The following ZCCHC2 variants were observed in gnomAD, a reference collection of about 807,000 sequenced individuals.
The protein encoded by ZCCHC2 is zinc finger CCHC-type containing 2, also known as zinc finger CCHC domain-containing protein 2.
ZCCHC2 carries 39 observed loss-of-function variants against 103.6 expected under a neutral mutation model. The ratio of observed to expected loss-of-function variants is 0.38; its 90% CI spans 0.29 to 0.49. The LOEUF is 0.49. ZCCHC2 is among the 20% of genes least tolerant of loss of function. The pLI, the probability that ZCCHC2 is intolerant of heterozygous loss-of-function variation, is 0.96. For synonymous variants in ZCCHC2, 687 were observed against 608.9 expected, an observed-to-expected ratio of 1.13 and a Z score of -1.89; for missense variants, 1,483 against 1,491.0, an observed-to-expected ratio of 0.99 and a Z score of 0.09.
chr18:62,550,779 A>C lies in ZCCHC2; in HGVS notation c.1313+319A>C, dbSNP rs1317485299. The stretch of plus-strand genomic sequence containing the variant: ...TGTCCAAGAGCTCTACTTTGGAGAG[A>C]TGTTTTATTTGTTTAAAGTTGTCAA... On this transcript the variant is annotated intron_variant, in intron 5 of 13. Coordinates refer to ENST00000269499, the MANE Select transcript of ZCCHC2 (RefSeq NM_017742.6). Among the ~76,000 whole-genome samples the C allele has an allele frequency of 2.0e-5, 3 of 152,120 alleles. No individual in the cohort carries two copies. The East Asian group carries it at 5.8e-4, about 29-fold the overall frequency.
chr18:62,550,837 C>T (rs1389450590), intron 5 of ZCCHC2, among the ~76,000 whole-genome samples: 1 of 152,206 alleles, frequency 6.6e-6, no homozygotes, highest in Non-Finnish European at 1.5e-5. Flanking sequence ...GAGTGAAGGG[C>T]AGCCCTGCTT....
intron 8 of ZCCHC2, 62 bp downstream of exon 8, chr18:62,560,706 TAATTA>T (rs146609669): frequency 0.24 from 304,919 of 1,293,212 alleles, 38,926 homozygotes; most frequent in Admixed American, 0.32. Context: ...ATGTAACATT[TAATTA>T]AATTTCTGAT....
intron 1 of ZCCHC2, among the ~76,000 whole-genome samples, chr18:62,525,666 T>C (rs1450098595): frequency 6.6e-6 from 1 of 152,122 alleles, no homozygotes; most frequent in Non-Finnish European, 1.5e-5. Context: ...AAAACGACGC[T>C]TCTGTGAGGT....
chr18:62,535,539 G>A (rs1914883035), intron 1 of ZCCHC2, among the ~76,000 whole-genome samples: 1 of 152,168 alleles, frequency 6.6e-6, no homozygotes, highest in Admixed American at 6.5e-5. Context: ...GGGTGTCTGG[G>A]ACACAGCTGG....
chr18:62,553,760 A>G (rs1915766241), intron 5 of ZCCHC2, among the ~76,000 whole-genome samples: 1 of 152,218 alleles, frequency 6.6e-6, no homozygotes, highest in African/African-American at 2.4e-5. Context: ...CATCTCGGAA[A>G]GACAGTCCGA....
intron 1 of ZCCHC2, 187 bp downstream of exon 1, chr18:62,524,550 CA>C (rs1376614963): frequency 3.5e-6 from 3 of 857,926 alleles, no homozygotes; most frequent in Non-Finnish European, 5.0e-6. Flanking sequence ...TCCACTCCCC[CA>C]CCCCACCCCA....
Position 62,565,114 on chromosome 18 carries a change from CT to C in ZCCHC2, c.1846+21del. On this transcript the variant is annotated intron_variant, in intron 11 of 13. Coordinates refer to ENST00000269499, the MANE Select transcript of ZCCHC2 (RefSeq NM_017742.6). Reference sequence around the variant, plus strand: ...TGTGAAAGGTAAGAAGGTTATTTTTCTTTCAAATACCCATCACATAAATATA... The same window carrying C: ...TGTGAAAGGTAAGAAGGTTATTTTTCTTCAAATACCCATCACATAAATATA... The C allele has an allele frequency of 2.6e-6, 4 of 1,541,472 alleles. No individual in the cohort carries two copies. In the South Asian group the frequency reaches 4.5e-5, roughly 17 times the overall value.
intron 12 of ZCCHC2, among the ~76,000 whole-genome samples, chr18:62,570,558 C>T (rs1174179532): frequency 6.6e-6 from 1 of 152,110 alleles, no homozygotes; most frequent in Non-Finnish European, 1.5e-5. Context: ...TCTTTACGTC[C>T]TCTCGATTGA....
At chr18:62,549,828 C>T (rs1004547834) in intron 4 of ZCCHC2, among the ~76,000 whole-genome samples, 4 of 152,142 alleles carry the variant, frequency 2.6e-5, no homozygotes, top group African/African-American at 7.2e-5. Context: ...GTTTCTCACC[C>T]GTCTCTCATA....
chr18:62,583,882 G>C (rs1473313099), intron 14 of ZCCHC2, among the ~76,000 whole-genome samples: 1 of 152,106 alleles, frequency 6.6e-6, no homozygotes, highest in Admixed American at 6.5e-5. Context: ...GTCAGCTCGG[G>C]GTGGAGGGAA....
At chr18:62,530,636 C>T (rs1914636058) in intron 1 of ZCCHC2, among the ~76,000 whole-genome samples, 1 of 152,096 alleles carries the variant, frequency 6.6e-6, no homozygotes, top group African/African-American at 2.4e-5. Flanking sequence ...GGTATTTGAG[C>T]CACATTTATT....
intron 7 of ZCCHC2, among the ~76,000 whole-genome samples, chr18:62,559,769 C>G (rs1916038620): frequency 6.6e-6 from 1 of 152,176 alleles, no homozygotes; most frequent in African/African-American, 2.4e-5. Flanking sequence ...TACTAGGTAG[C>G]AATTAAAATA....
chr18:62,574,615 A>G lies in ZCCHC2; in HGVS notation c.2534A>G (p.Asn845Ser). 6.2e-7 allele frequency: 1 copy of G among 1,613,884 alleles called. No individual in the cohort carries two copies. The highest frequency in any genetic ancestry group is 1.1e-5 in the South Asian group (1 of 91,064). Residue 845 changes from asparagine (N) to serine (S), a missense_variant, in exon 13 of 14, where the codon AAC becomes AGC. Physicochemically the swap from Asn to Ser is conservative, Grantham distance 46 (BLOSUM62 1). Around this residue, in one of 3 missense-constraint regions of ZCCHC2, gnomAD observed 884 missense variants for 907.5 expected, o/e 0.97. Transcript: ENST00000269499. ...PPGSLSIASP[N>S]TAFIPIHNPG... ...GGAAGCCTGAGCATCGCATCACCAA[A>G]CACTGCCTTTATTCCTATCCATAAC...
rs373717087 is a variant in ZCCHC2, at chr18:62,524,035, G to C, written c.611G>C (p.Ser204Thr). 145 of 1,466,996 alleles carry C rather than the reference G, an allele frequency of 9.9e-5. 1 individual carries two copies. The highest frequency in any genetic ancestry group is 5.9e-4 in the East Asian group (22 of 37,322). The allele number at this position is 1,466,996 out of a possible 1,614,324, so 90.9% of individuals were successfully genotyped here. Reference protein sequence around the residue: ...LLPQVDSVLKSLRAARGEGSR... With the variant: ...LLPQVDSVLKTLRAARGEGSR... ...CCCCAGGTGGACTCGGTGCTCAAAA[G>C]CCTGCGCGCGGCCCGGGGCGAGGGC... The change falls in exon 1 of 14, where the codon AGC becomes ACC. Residue 204 changes from serine to threonine, a missense_variant. Physicochemically the swap from Ser to Thr is moderately conservative, Grantham distance 58. Around this residue, in one of 3 missense-constraint regions of ZCCHC2, gnomAD observed 568 missense variants for 525.1 expected, o/e 1.08. Transcript: ENST00000269499.
intron 14 of ZCCHC2, among the ~76,000 whole-genome samples, chr18:62,583,736 G>A (rs1278890426): frequency 6.6e-6 from 1 of 151,748 alleles, no homozygotes; most frequent in Non-Finnish European, 1.5e-5. Flanking sequence ...AGTGAGTTTC[G>A]AGGTGTGAGA....
In ZCCHC2 at chr18:62,560,655, T is replaced by A; in HGVS notation, c.1550+11T>A. The A allele has an allele frequency of 2.5e-6, 4 of 1,609,288 alleles. No homozygotes were observed. Among genetic ancestry groups the A allele is most frequent in the Non-Finnish European group, 3.4e-6 (4 of 1,176,736 alleles). On this transcript the variant is annotated intron_variant, in intron 8 of 13. Transcript: ENST00000269499. ...AAGTCCCATTGTGAAGTAAGTATCC[T>A]CTTTCTAAAACAAAAAGTGCTTTGG...
chr18:62,524,374 C>A lies in ZCCHC2; in HGVS notation c.939+11C>A, dbSNP rs769136564. ...GGCCCCAGGGCCCAGGTAAGGCGCA[C>A]GGAGCCTCCCTGGACTCGCGGTGCG... On this transcript the variant is annotated intron_variant, in intron 1 of 13. Coordinates refer to ENST00000269499, the MANE Select transcript of ZCCHC2 (RefSeq NM_017742.6). The A allele has an allele frequency of 8.4e-5, 125 of 1,494,010 alleles. No individual in the cohort carries two copies. The highest frequency in any genetic ancestry group is 1.8e-4 in the Middle Eastern group (1 of 5,420). The allele number at this position is 1,494,010 out of a possible 1,614,324, so 92.5% of individuals were successfully genotyped here. A position where few individuals can be genotyped will look rare whatever the true frequency, so the allele number is the denominator to read the frequency against.
intron 2 of ZCCHC2, 116 bp downstream of exon 2, chr18:62,539,908 C>T: frequency 1.2e-6 from 1 of 816,248 alleles, no homozygotes; most frequent in Non-Finnish European, 1.9e-6. Flanking sequence ...AGAAGTCCTA[C>T]TGGTCCTAGG....
chr18:62,574,240 C>G lies in ZCCHC2; in HGVS notation c.2159C>G (p.Pro720Arg), dbSNP rs1005393702. 2 of 1,613,974 alleles carry G rather than the reference C, an allele frequency of 1.2e-6. No individual in the cohort carries two copies. The highest frequency in any genetic ancestry group is 1.7e-5 in the Admixed American group (1 of 60,028). ...AAGTATCAGCATATTTCTTTTATGCCAACGTTACACTGTGTCATGCACAAT... is the reference window on the plus strand; with the variant it reads ...AAGTATCAGCATATTTCTTTTATGCGAACGTTACACTGTGTCATGCACAAT... ...SPKYQHISFMPTLHCVMHNGA... is the reference protein window; with the variant it reads ...SPKYQHISFMRTLHCVMHNGA... The change falls in exon 13 of 14, where the codon CCA becomes CGA. Residue 720 changes from proline to arginine, a missense_variant. Physicochemically the swap from Pro to Arg is moderately radical, Grantham distance 103 (BLOSUM62 -2). Coordinates refer to ENST00000269499, the MANE Select transcript of ZCCHC2 (RefSeq NM_017742.6).
Sources: allele counts gnomAD v4.1 joint callset (sites outside exome capture counted in the v4.1 genomes callset), GRCh38; gene constraint gnomAD v4.1.1; regional missense constraint gnomAD v4.1.1; transcripts MANE v1.5; gene names NCBI Gene and HGNC (gene_info 2026-07-23, HGNC 2026-07-21).